COL4A6: variants seen among roughly 807,000 people sequenced by gnomAD.
The protein encoded by COL4A6 is collagen type IV alpha 6 chain, also known as collagen alpha-6(IV) chain.
Under a neutral mutation model 126.7 loss-of-function variants are expected in COL4A6, and 59 were observed. That is an observed-to-expected ratio of 0.47 (90% CI 0.38 to 0.58). The LOEUF (loss-of-function observed/expected upper bound fraction) is 0.58, where lower values mean the gene tolerates loss of function less well. Among genes scored for constraint, COL4A6 ranks in the 20% least tolerant of loss-of-function variants. The pLI is 0.00. For missense variants in COL4A6, 1,285 were observed against 1,337.3 expected (o/e 0.96, Z 0.61); for synonymous variants, 547 against 496.6 (o/e 1.10, Z -1.35).
Position 108,175,749 on chromosome X carries a change from A to T in COL4A6, c.2735T>A (p.Leu912Gln), listed in dbSNP as rs1602730107. 1.7e-6 allele frequency: 2 copies of T among 1,180,060 alleles called. No individual in the cohort carries two copies. The highest frequency in any genetic ancestry group is 4.7e-5 in the Admixed American group (2 of 42,869). The stretch of plus-strand genomic sequence containing the variant: ...TCCTCTTGTTCCAGGAATACCAGGC[A>T]GACCTGGTATTCCTGGAAAACCTAC... ...GFVGFPGIPGLPGIPGTRGLK... is the reference protein window; with the variant it reads ...GFVGFPGIPGQPGIPGTRGLK... Residue 912 changes from leucine to glutamine, a missense_variant, in exon 29 of 45, where the codon CTG becomes CAG. Leu to Gln is a moderately radical substitution (Grantham distance 113). Transcript: ENST00000334504.
chrX:108,275,018 T>C (rs2037561576), intron 3 of COL4A6, among the ~76,000 whole-genome samples: 2 of 111,320 alleles, frequency 1.8e-5, no homozygotes, highest in Admixed American at 9.6e-5. Context: ...TTGTCTTCCA[T>C]AGCACAGAAT....
intron 36 of COL4A6, 123 bp from the exon 37 acceptor site, chrX:108,169,743 C>T (rs1486849153): frequency 2.6e-5 from 26 of 984,455 alleles, no homozygotes; most frequent in Admixed American, 3.7e-5. Context: ...ACTGAAGTAA[C>T]AAGAAAGAAA....
intron 8 of COL4A6, 37 bp downstream of exon 8, chrX:108,209,932 T>C: frequency 8.3e-7 from 1 of 1,198,812 alleles, no homozygotes; most frequent in Non-Finnish European, 1.1e-6. Context: ...TGATTTTTAG[T>C]CAACACTGAG....
At chrX:108,278,550 C>A (rs1371441364) in intron 3 of COL4A6, among the ~76,000 whole-genome samples, 2 of 110,365 alleles carry the variant, frequency 1.8e-5, no homozygotes, top group South Asian at 4.0e-4. Flanking sequence ...AGAATGCAAC[C>A]ACGTTGGAAA....
chrX:108,389,498 T>C (rs1315566728), intron 2 of COL4A6, among the ~76,000 whole-genome samples: 2 of 111,857 alleles, frequency 1.8e-5, no homozygotes, highest in Non-Finnish European at 1.9e-5. Flanking sequence ...TTGATCTTTG[T>C]TGGTTTAAAG....
chrX:108,180,281 AGGG>A (rs755719903), intron 25 of COL4A6, among the ~76,000 whole-genome samples: 84 of 111,596 alleles, frequency 7.5e-4, no homozygotes, highest in Non-Finnish European at 1.3e-3. Flanking sequence ...CTGAAAGTTA[AGGG>A]GTTGCCCCAG....
chrX:108,189,715 GAC>G (rs1409834456), intron 20 of COL4A6, among the ~76,000 whole-genome samples: 1 of 112,323 alleles, frequency 8.9e-6, no homozygotes, highest in East Asian at 2.8e-4. Flanking sequence ...CTTAGGTAAT[GAC>G]ATTTTATGAT....
rs369082355 is a variant in COL4A6, at chrX:108,438,216, C to G, written c.-20G>C. On this transcript the variant is annotated 5_prime_UTR_variant, in exon 1 of 45. Coordinates refer to ENST00000334504, the MANE Select transcript of COL4A6 (RefSeq NM_033641.4). ...GTGCATGCTTGCGGCTCCTCCGGAG[C>G]TGGGTCCCGGGAGACTGCTAAGCGG... is the stretch of plus-strand genomic sequence containing the variant. The G allele has an allele frequency of 8.4e-7, 1 of 1,186,005 alleles. No individual in the cohort carries two copies. Among genetic ancestry groups the G allele is most frequent in the South Asian group, 2.0e-5 (1 of 50,836 alleles).
intron 2 of COL4A6, among the ~76,000 whole-genome samples, chrX:108,344,076 T>C (rs2148013652): frequency 9.0e-6 from 1 of 111,219 alleles, no homozygotes; most frequent in Admixed American, 9.6e-5. Context: ...ATTTTGTCAA[T>C]CCCAAGAATA....
intron 2 of COL4A6, among the ~76,000 whole-genome samples, chrX:108,425,941 G>C (rs1026622606): frequency 9.0e-6 from 1 of 111,285 alleles, no homozygotes; most frequent in Non-Finnish European, 1.9e-5. Flanking sequence ...TTTGAAAAAT[G>C]TTCTAATAGA....
At chrX:108,222,723 T>C (rs753792757) in intron 3 of COL4A6, among the ~76,000 whole-genome samples, 18 of 111,915 alleles carry the variant, frequency 1.6e-4, no homozygotes, top group Admixed American at 1.5e-3. Flanking sequence ...AAATGATAGG[T>C]TGCAAACTGT....
chrX:108,231,954 G>T (rs1397941824), intron 3 of COL4A6, among the ~76,000 whole-genome samples: 1 of 111,929 alleles, frequency 8.9e-6, no homozygotes, highest in African/African-American at 3.2e-5. Context: ...CCTGGTCAGT[G>T]GGTAATGGTT....
At chrX:108,171,539 AT>A (rs1038562112) in intron 32 of COL4A6, 78 bp from the exon 33 acceptor site, 1,198 of 799,026 alleles carry the variant, frequency 1.5e-3, no homozygotes, top group Admixed American at 2.0e-3. Flanking sequence ...TTTTGAACAC[AT>A]TTTTTTTTTC....
intron 2 of COL4A6, among the ~76,000 whole-genome samples, chrX:108,369,262 G>A (rs111377763): frequency 0.096 from 10,608 of 110,936 alleles, 542 homozygotes; most frequent in Middle Eastern, 0.14. Context: ...TCGTACATGT[G>A]GTTCACTGTT....
intron 3 of COL4A6, among the ~76,000 whole-genome samples, chrX:108,225,909 C>T (rs1355572613): frequency 8.9e-6 from 1 of 112,515 alleles, no homozygotes; most frequent in Admixed American, 9.4e-5. Context: ...TAATGACTGA[C>T]AACTTAGAGC....
At position 108,230,226 on chromosome X, in the gene COL4A6, G is replaced by A. The variant is rs772394977; in HGVS notation, c.145-8852C>T. Among the ~76,000 whole-genome samples, 5 of 111,773 alleles carry A rather than the reference G, an allele frequency of 4.5e-5. No individual in the cohort carries two copies. In the South Asian group the frequency reaches 1.9e-3, roughly 43 times the overall value. On this transcript the variant is annotated intron_variant, in intron 3 of 44. Transcript: ENST00000334504. ...GAGGTTTGTTCACCACCATATCCCC[G>A]GAGATGCAGTATTTGGTGTGCAGTA...
At chrX:108,231,321 C>T (rs1291446874) in intron 3 of COL4A6, among the ~76,000 whole-genome samples, 2 of 112,268 alleles carry the variant, frequency 1.8e-5, no homozygotes, top group African/African-American at 6.5e-5. Context: ...ACCCATTCCA[C>T]TGGTTATTGT....
chrX:108,204,073 G>T (rs942381045), intron 12 of COL4A6, among the ~76,000 whole-genome samples: 1 of 110,896 alleles, frequency 9.0e-6, no homozygotes, highest in Admixed American at 9.6e-5. Flanking sequence ...AGAAAATAGC[G>T]CTTAAATGAA....
chrX:108,202,892 C>A lies in COL4A6; in HGVS notation c.834+36G>T. On this transcript the variant is annotated intron_variant, in intron 13 of 44. Transcript: ENST00000334504. ...TTGCTACAGCTTTTGTCCAATCAGA[C>A]CCTTGTATACATATTGATCAAATAG... The A allele has an allele frequency of 3.5e-6, 4 of 1,141,398 alleles. No individual in the cohort carries two copies. The Admixed American group carries it at 8.8e-5, about 25-fold the overall frequency. The allele number at this position is 1,141,398 out of a possible 1,213,427, so 94.1% of individuals were successfully genotyped here.
Sources: allele counts gnomAD v4.1 joint callset (sites outside exome capture counted in the v4.1 genomes callset), GRCh38; gene constraint gnomAD v4.1.1; transcripts MANE v1.5; gene names NCBI Gene and HGNC (gene_info 2026-07-23, HGNC 2026-07-21).